WDR72: variants seen among roughly 807,000 people sequenced by gnomAD.
The protein encoded by WDR72 is WD repeat-containing protein 72.
A neutral mutation model predicts 124.2 loss-of-function variants in WDR72; 120 were observed. The observed-to-expected ratio is 0.97, with a 90% CI of 0.83 to 1.12. The LOEUF (loss-of-function observed/expected upper bound fraction) is 1.12. Among genes scored for constraint, WDR72 ranks in the 50% most tolerant of loss-of-function variants. The pLI is 0.00. For missense variants in WDR72, 1,387 were observed against 1,278.8 expected (o/e 1.08, Z -1.29); for synonymous variants, 452 against 441.7 (o/e 1.02, Z -0.29).
chr15:53,575,669 T>A (rs370350399), intron 18 of WDR72, among the ~76,000 whole-genome samples: 16 of 152,270 alleles, frequency 1.1e-4, no homozygotes, highest in East Asian at 7.7e-4. Flanking sequence ...CCTGCATAGT[T>A]ATTAGAAAGA....
At chr15:53,620,629 C>T (rs930436691) in intron 14 of WDR72, among the ~76,000 whole-genome samples, 7 of 152,026 alleles carry the variant, frequency 4.6e-5, no homozygotes, top group Non-Finnish European at 1.0e-4. Flanking sequence ...TCATCTCTCA[C>T]CTTAAACAAA....
chr15:53,618,289 A>G (rs2013849477), intron 14 of WDR72, among the ~76,000 whole-genome samples: 1 of 151,932 alleles, frequency 6.6e-6, no homozygotes, highest in African/African-American at 2.4e-5. Context: ...ATGTTTGCCA[A>G]ACTCCAGATT....
At chr15:53,727,775 C>A (rs1354316035) in intron 2 of WDR72, among the ~76,000 whole-genome samples, 1 of 152,188 alleles carries the variant, frequency 6.6e-6, no homozygotes, top group Non-Finnish European at 1.5e-5. Flanking sequence ...AGTCCTCATT[C>A]TATTACTAAA....
At position 53,699,732 on chromosome 15, in the gene WDR72, G is replaced by T; in HGVS notation, c.1765+18C>A. ...TCATAAATATATAAAGAATGAAAGG[G>T]ATAAAATTTCAACTTACCTGTTTCA... On this transcript the variant is annotated intron_variant, in intron 13 of 19. Coordinates refer to ENST00000360509, the MANE Select transcript of WDR72 (RefSeq NM_182758.4). 2 of 1,611,566 alleles carry T rather than the reference G, an allele frequency of 1.2e-6. No individual in the cohort carries two copies. Among genetic ancestry groups the T allele is most frequent in the South Asian group, 2.2e-5 (2 of 90,994 alleles).
intron 18 of WDR72, among the ~76,000 whole-genome samples, chr15:53,568,280 T>C (rs1894375719): frequency 6.6e-6 from 1 of 151,778 alleles, no homozygotes; most frequent in Non-Finnish European, 1.5e-5. Context: ...CTTTTCAAAG[T>C]ACATAAGCTT....
chr15:53,651,694 T>C (rs1341379889), intron 14 of WDR72, among the ~76,000 whole-genome samples: 1 of 152,132 alleles, frequency 6.6e-6, no homozygotes, highest in African/African-American at 2.4e-5. Flanking sequence ...GCTCTATTGC[T>C]CAGGCTGGAG....
At chr15:53,731,879 C>G (rs1052577963) in intron 2 of WDR72, among the ~76,000 whole-genome samples, 6 of 152,090 alleles carry the variant, frequency 3.9e-5, no homozygotes, top group Non-Finnish European at 7.4e-5. Context: ...TTAGCAATGC[C>G]TTTATAAATA....
At chr15:53,522,090 G>T (rs1020495497) in intron 19 of WDR72, among the ~76,000 whole-genome samples, 7 of 152,036 alleles carry the variant, frequency 4.6e-5, no homozygotes, top group Admixed American at 3.9e-4. Flanking sequence ...GAGGAATCTT[G>T]GTGGAGTGAA....
At chr15:53,681,907 G>C (rs2016400958) in intron 13 of WDR72, among the ~76,000 whole-genome samples, 1 of 151,710 alleles carries the variant, frequency 6.6e-6, no homozygotes. Context: ...AAATGATGTA[G>C]AATTTTTAAA....
In WDR72 at chr15:53,629,207, AGAGAGT is replaced by A. The variant is rs1374761682; in HGVS notation, c.1963-12970_1963-12965del. 2.1e-3 allele frequency among the ~76,000 whole-genome samples: 282 copies of A among 134,166 alleles called. 3 individuals are homozygous for A. Among genetic ancestry groups the A allele is most frequent in the African/African-American group, 0.011 (273 of 24,714 alleles). The allele number at this position is 134,166 out of a possible 152,430, so 88.0% of individuals were successfully genotyped here. On this transcript the variant is annotated intron_variant, in intron 14 of 19. Coordinates refer to ENST00000360509, the MANE Select transcript of WDR72 (RefSeq NM_182758.4). ...GAGAGACAGCGAGAGAGAGAGAGAG[AGAGAGT>A]GAGAGAGAGAGAGAGAGACATAAAA...
intron 18 of WDR72, among the ~76,000 whole-genome samples, chr15:53,591,315 G>C (rs1265580869): frequency 6.6e-6 from 1 of 152,024 alleles, no homozygotes; most frequent in Non-Finnish European, 1.5e-5. Flanking sequence ...TCTTGAGTCA[G>C]TGCATAGAAG....
At chr15:53,546,853 T>C (rs1237683841) in intron 18 of WDR72, among the ~76,000 whole-genome samples, 3 of 152,202 alleles carry the variant, frequency 2.0e-5, no homozygotes, top group Non-Finnish European at 2.9e-5. Flanking sequence ...TCTTAAGCGA[T>C]TATAATGCTC....
At chr15:53,592,322 T>C (rs1482422695) in intron 18 of WDR72, among the ~76,000 whole-genome samples, 1 of 152,008 alleles carries the variant, frequency 6.6e-6, no homozygotes, top group African/African-American at 2.4e-5. Context: ...GAAAAAAAGA[T>C]GCACTTACTA....
chr15:53,760,016 C>CT (rs34013041), upstream of WDR72, among the ~76,000 whole-genome samples: 18 of 138,548 alleles, frequency 1.3e-4, no homozygotes, highest in East Asian at 2.1e-4. Context: ...AGGCCTCAAC[C>CT]TTTTTTTTTT....
intron 14 of WDR72, among the ~76,000 whole-genome samples, chr15:53,620,350 C>T (rs2013941281): frequency 6.6e-6 from 1 of 151,770 alleles, no homozygotes; most frequent in Non-Finnish European, 1.5e-5. Flanking sequence ...AATATAATCC[C>T]ATTTTCTATA....
intron 18 of WDR72, among the ~76,000 whole-genome samples, chr15:53,550,425 C>T (rs1893682612): frequency 6.6e-6 from 1 of 152,162 alleles, no homozygotes; most frequent in South Asian, 2.1e-4. Flanking sequence ...TGCATCAAGC[C>T]ACCAGCTGAG....
chr15:53,671,823 T>G (rs1300339289), intron 13 of WDR72, among the ~76,000 whole-genome samples: 2 of 152,068 alleles, frequency 1.3e-5, no homozygotes, highest in African/African-American at 4.8e-5. Flanking sequence ...AACTAGCCAT[T>G]TCTTGCTTCG....
chr15:53,699,506 C>T (rs2017100417), intron 13 of WDR72, among the ~76,000 whole-genome samples: 1 of 152,154 alleles, frequency 6.6e-6, no homozygotes, highest in Admixed American at 6.5e-5. Context: ...TTTATAGCTT[C>T]CAGAAATATC....
intron 2 of WDR72, 82 bp downstream of exon 2, chr15:53,732,915 C>G: frequency 6.6e-7 from 1 of 1,519,716 alleles, no homozygotes; most frequent in Non-Finnish European, 9.1e-7. Flanking sequence ...TGCAAACCTT[C>G]CACTGTCATT....
Sources: allele counts gnomAD v4.1 joint callset (sites outside exome capture counted in the v4.1 genomes callset), GRCh38; gene constraint gnomAD v4.1.1; transcripts MANE v1.5; gene names NCBI Gene and HGNC (gene_info 2026-07-23, HGNC 2026-07-21).